Variants in EGFR observed in about 807,000 individuals in gnomAD.
The protein encoded by EGFR is avian erythroblastic leukemia viral (v-erb-b) oncogene homolog.
Under a neutral mutation model 143.0 loss-of-function variants are expected in EGFR, and 58 were observed. The ratio of observed to expected loss-of-function variants is 0.41; its 90% CI spans 0.33 to 0.50. The LOEUF is 0.50. Ranked by LOEUF, EGFR falls within the 20% of genes least tolerant of loss-of-function variation. EGFR has a pLI of 0.39. For missense variants in EGFR, 1,307 were observed against 1,579.0 expected (o/e 0.83, Z 2.92); for synonymous variants, 613 against 594.4 (o/e 1.03, Z -0.45).
chr7:55,043,075 C>T (rs1787991215), intron 1 of EGFR, among the ~76,000 whole-genome samples: 1 of 152,090 alleles, frequency 6.6e-6, no homozygotes, highest in East Asian at 1.9e-4. Context: ...CTGCTATGTT[C>T]AAGGCACTGC....
rs1398462122 is a variant in EGFR at position 55,146,629 on chromosome 7, T to C, written c.448T>C (p.Phe150Leu). 2 of 1,613,996 alleles carry C rather than the reference T, an allele frequency of 1.2e-6. No homozygotes were observed. Among genetic ancestry groups the C allele is most frequent in the Non-Finnish European group, 1.7e-6 (2 of 1,180,016 alleles). ...AGAAATCCTGCATGGCGCCGTGCGG[T>C]TCAGCAACAACCCTGCCCTGTGCAA... is the stretch of plus-strand genomic sequence containing the variant. ...LQEILHGAVR[F>L]SNNPALCNVE... Residue 150 changes from phenylalanine (F) to leucine (L), a missense_variant, in exon 4 of 28, where the codon TTC becomes CTC. Transcript: ENST00000275493.
chr7:55,161,554 G>A lies in EGFR; in HGVS notation c.1554G>A (p.Pro518=), dbSNP rs142429250. 159 of 1,614,268 alleles carry A rather than the reference G, an allele frequency of 9.8e-5. No homozygotes were observed. In the East Asian group the frequency reaches 2.8e-3, roughly 29 times the overall value. Residue 518 remains proline, a synonymous_variant, in exon 13 of 28, where the codon CCG becomes CCA. Transcript: ENST00000275493. Reference sequence around the variant, plus strand: ...GCTCCCCCGAGGGCTGCTGGGGCCCGGAGCCCAGGGACTGCGTCTCTTGCC... The same window carrying A: ...GCTCCCCCGAGGGCTGCTGGGGCCCAGAGCCCAGGGACTGCGTCTCTTGCC... The part of the protein sequence containing the change: ...ALCSPEGCWG[P]EPRDCVSCRN...
rs1424097500 is a variant in EGFR at position 55,157,696 on chromosome 7, G to T, written c.1241G>T (p.Arg414Met). ...CTGATTCAGGCTTGGCCTGAAAACAGGACGGACCTCCATGCCTTTGAGAAC... is the reference window on the plus strand; with the variant it reads ...CTGATTCAGGCTTGGCCTGAAAACATGACGGACCTCCATGCCTTTGAGAAC... ...FLLIQAWPEN[R>M]TDLHAFENLE... The change falls in exon 11 of 28, where the codon AGG (arginine) becomes ATG (methionine). Residue 414 changes from arginine (R) to methionine (M), a missense_variant. This residue lies in a region of EGFR where 250 missense variants were observed against 295.1 expected (regional missense o/e 0.85). Coordinates refer to ENST00000275493, the MANE Select transcript of EGFR (RefSeq NM_005228.5). The T allele has an allele frequency of 6.2e-7, 1 of 1,614,252 alleles. No homozygotes were observed. The highest frequency in any genetic ancestry group is 8.5e-7 in the Non-Finnish European group (1 of 1,180,050).
At position 55,095,386 on chromosome 7, in the gene EGFR, A is replaced by G. The variant is rs1277683747; in HGVS notation, c.89-46900A>G. Among the ~76,000 whole-genome samples the G allele has an allele frequency of 2.0e-5, 3 of 152,326 alleles. 1 individual carries two copies. Among genetic ancestry groups the G allele is most frequent in the Admixed American group, 2.0e-4 (3 of 15,306 alleles). ...GTTGACAGTTATTACTGTCATTGTC[A>G]TTATTTGCCTTCTCACAGGCAGGCG... On this transcript the variant is annotated intron_variant, in intron 1 of 27. Coordinates refer to ENST00000275493, the MANE Select transcript of EGFR (RefSeq NM_005228.5).
intron 1 of EGFR, among the ~76,000 whole-genome samples, chr7:55,105,382 A>G (rs982346495): frequency 6.6e-6 from 1 of 152,234 alleles, no homozygotes; most frequent in Non-Finnish European, 1.5e-5. Flanking sequence ...TTTTATTCTC[A>G]TTCTAAGTGC....
intron 27 of EGFR, among the ~76,000 whole-genome samples, chr7:55,203,545 C>G (rs1477201056): frequency 7.5e-6 from 1 of 132,536 alleles, no homozygotes; most frequent in South Asian, 2.6e-4. Flanking sequence ...ATACACCACA[C>G]ACACCACACA....
chr7:55,199,845 G>A (rs1047263211), intron 23 of EGFR, among the ~76,000 whole-genome samples: 1 of 152,204 alleles, frequency 6.6e-6, no homozygotes, highest in African/African-American at 2.4e-5. Flanking sequence ...GGTATGTGCT[G>A]TACTGGAGAC....
At chr7:55,059,285 T>C (rs899016341) in intron 1 of EGFR, among the ~76,000 whole-genome samples, 1 of 152,252 alleles carries the variant, frequency 6.6e-6, no homozygotes, top group Non-Finnish European at 1.5e-5. Context: ...GAACTTTCTC[T>C]TTTATTACTT....
In EGFR at chr7:55,154,776, T is replaced by C. The variant is rs144206633; in HGVS notation, c.889+624T>C. On this transcript the variant is annotated intron_variant, in intron 7 of 27. Coordinates refer to ENST00000275493, the MANE Select transcript of EGFR (RefSeq NM_005228.5). ...ATTCCTGACAGAGAAAGCAAAACTT[T>C]GTCTAATGAAAGAGTTTTAGAAGCC... 5.6e-3 allele frequency among the ~76,000 whole-genome samples: 854 copies of C among 152,280 alleles called. 15 individuals carry two copies. Among genetic ancestry groups the C allele is most frequent in the African/African-American group, 0.019 (788 of 41,558 alleles).
chr7:55,073,074 G>T (rs560728207), intron 1 of EGFR, among the ~76,000 whole-genome samples: 1 of 152,114 alleles, frequency 6.6e-6, no homozygotes, highest in African/African-American at 2.4e-5. Context: ...CTACTTTGTC[G>T]TTTCTCTTCC....
At chr7:55,047,465 T>C (rs17172429) in intron 1 of EGFR, among the ~76,000 whole-genome samples, 6,613 of 152,294 alleles carry the variant, frequency 0.043, 278 homozygotes, top group South Asian at 0.13. Context: ...AGATTAAAAC[T>C]GGGACTGGGC....
intron 6 of EGFR, 54 bp from the exon 7 acceptor site, chr7:55,153,957 G>C (rs2128934722): frequency 1.2e-6 from 2 of 1,613,658 alleles, no homozygotes; most frequent in Non-Finnish European, 1.7e-6. Context: ...TCCTCCGTGT[G>C]TGGCGCTGAG....
At chr7:55,091,892 C>CACACACACA (rs1562706313) in intron 1 of EGFR, among the ~76,000 whole-genome samples, 1 of 118,574 alleles carries the variant, frequency 8.4e-6, no homozygotes, top group South Asian at 3.2e-4. Context: ...ACACACACAC[C>CACACACACA]CTGAGAGAGA....
At chr7:55,092,182 G>C (rs66740303) in intron 1 of EGFR, among the ~76,000 whole-genome samples, 7,998 of 152,156 alleles carry the variant, frequency 0.053, 284 homozygotes, top group South Asian at 0.14. Context: ...AGGAAAACAG[G>C]CTCTGCGGCA....
chr7:55,142,277 T>C lies in EGFR; in HGVS notation c.89-9T>C. The stretch of plus-strand genomic sequence containing the variant: ...AGTATTTCATGTGATATCTGTCTTT[T>C]TCTTCCAGTTTGCCAAGGCACGAGT... On this transcript the variant is annotated splice_polypyrimidine_tract_variant and intron_variant, in intron 1 of 27. Coordinates refer to ENST00000275493, the MANE Select transcript of EGFR (RefSeq NM_005228.5). 1 of 1,614,210 alleles carries C rather than the reference T, an allele frequency of 6.2e-7. No individual in the cohort carries two copies. Among genetic ancestry groups the C allele is most frequent in the East Asian group, 2.2e-5 (1 of 44,884 alleles).
In EGFR at chr7:55,211,202, G is replaced by C. The variant is rs1405513742; in HGVS notation, c.*5585G>C. ...AAAACTATGGGGAAAACTTAAATCT[G>C]TGCATACATTTCTGGATGCATTTAC... is the stretch of plus-strand genomic sequence containing the variant. On this transcript the variant is annotated 3_prime_UTR_variant, in exon 28 of 28. Transcript: ENST00000275493. 6.6e-6 allele frequency: 1 copy of C among 152,020 alleles called. No individual in the cohort carries two copies. Among genetic ancestry groups the C allele is most frequent in the Non-Finnish European group, 1.5e-5 (1 of 68,028 alleles). The allele number at this position is 152,020 out of a possible 1,614,324, so 9.4% of individuals were successfully genotyped here.
At chr7:55,078,550 C>T (rs532730520) in intron 1 of EGFR, among the ~76,000 whole-genome samples, 2 of 152,334 alleles carry the variant, frequency 1.3e-5, no homozygotes, top group South Asian at 4.1e-4. Context: ...CCCAGACTGA[C>T]CTGCGTCCTT....
intron 20 of EGFR, among the ~76,000 whole-genome samples, chr7:55,187,578 C>T (rs952791979): frequency 9.9e-5 from 15 of 152,182 alleles, no homozygotes; most frequent in African/African-American, 2.2e-4. Context: ...CTGCCTCTTC[C>T]GAGGTCTAGC....
At chr7:55,190,907 G>C (rs1787365998) in intron 20 of EGFR, among the ~76,000 whole-genome samples, 1 of 152,178 alleles carries the variant, frequency 6.6e-6, no homozygotes, top group South Asian at 2.1e-4. Flanking sequence ...AGCAAGGTAG[G>C]CATCCGTCAA....
Sources: gnomAD v4.1 joint callset for allele counts (sites outside exome capture counted in the v4.1 genomes callset) on GRCh38, gnomAD v4.1.1 for gene constraint, gnomAD v4.1.1 regional missense constraint, MANE v1.5 for transcripts, NCBI Gene and HGNC (gene_info 2026-07-23, HGNC 2026-07-21) for gene names.